The following PKN3 variants were observed in gnomAD, a reference collection of about 807,000 sequenced individuals.
PKN3 encodes the protein serine/threonine-protein kinase N3.
PKN3 carries 91 observed loss-of-function variants against 113.1 expected under a neutral mutation model. The observed-to-expected ratio is 0.80, with a 90% CI of 0.68 to 0.96. PKN3 has a LOEUF of 0.96. Among genes scored for constraint, PKN3 ranks in the 40% least tolerant of loss-of-function variants. The pLI, the probability that PKN3 is intolerant of heterozygous loss-of-function variation, is 0.00. For synonymous variants in PKN3, 467 were observed against 499.0 expected, an observed-to-expected ratio of 0.94 and a Z score of 0.85; for missense variants, 1,052 against 1,202.2, an observed-to-expected ratio of 0.88 and a Z score of 1.85.
intron 12 of PKN3, 37 bp downstream of exon 12, chr9:128,714,701 G>T (rs1862288147): frequency 2.9e-6 from 4 of 1,362,542 alleles, no homozygotes; most frequent in East Asian, 2.3e-5. Flanking sequence ...CCTAGGGCCG[G>T]CTGGGGCTGG....
Position 128,703,382 on chromosome 9 carries a change from C to T in PKN3, c.24+443C>T, listed in dbSNP as rs556732911. 4.6e-5 allele frequency: 45 copies of T among 985,426 alleles called. No individual in the cohort carries two copies. In the South Asian group the frequency reaches 1.9e-3, roughly 42 times the overall value. 61.0% of individuals were successfully genotyped at this position (985,426 alleles called of 1,614,324 possible). On this transcript the variant is annotated intron_variant, in intron 1 of 21. Coordinates refer to ENST00000291906, the MANE Select transcript of PKN3 (RefSeq NM_013355.5). ...GCAGTCTGTGCGCGCTTGGCAGTGG[C>T]AGGAGTCCTTCCCGGAGCACAGGAG...
At chr9:128,716,003 A>T (rs977650331) in intron 15 of PKN3, among the ~76,000 whole-genome samples, 6 of 138,346 alleles carry the variant, frequency 4.3e-5, no homozygotes, top group Non-Finnish European at 7.9e-5. Context: ...AAAACTAATT[A>T]AAAAAAAAAA....
Position 128,720,671 on chromosome 9 carries a change from G to T in PKN3, c.*65G>T. On this transcript the variant is annotated 3_prime_UTR_variant, in exon 22 of 22. Coordinates refer to ENST00000291906, the MANE Select transcript of PKN3 (RefSeq NM_013355.5). The surrounding 1 kb of genome is among the most constrained non-coding windows in gnomAD (Gnocchi z 5.5). ...TGTTAGAGCCTCTGCTCGTTCACCC[G>T]TGCGCCCTGCCTGGAGGTCCAGGCC... 2 of 1,413,342 alleles carry T rather than the reference G, an allele frequency of 1.4e-6. No individual in the cohort carries two copies. The highest frequency in any genetic ancestry group is 2.0e-6 in the Non-Finnish European group (2 of 1,023,226). 87.6% of individuals were successfully genotyped at this position (1,413,342 alleles called of 1,614,324 possible). A position where few individuals can be genotyped will look rare whatever the true frequency, so the allele number is the denominator to read the frequency against.
chr9:128,702,851 G>T lies in PKN3; in HGVS notation c.-65G>T. Reference sequence around the variant, plus strand: ...AGTTTCAAGTTTGAAAGTCCTGGCGGAGGGTCTGCGGCTTCCGGGACCGGA... The same window carrying T: ...AGTTTCAAGTTTGAAAGTCCTGGCGTAGGGTCTGCGGCTTCCGGGACCGGA... On this transcript the variant is annotated 5_prime_UTR_variant, in exon 1 of 22. Transcript: ENST00000291906. The T allele has an allele frequency of 8.3e-7, 1 of 1,201,342 alleles. No individual in the cohort carries two copies. The allele number at this position is 1,201,342 out of a possible 1,614,324, so 74.4% of individuals were successfully genotyped here. A position where few individuals can be genotyped will look rare whatever the true frequency, so the allele number is the denominator to read the frequency against.
intron 15 of PKN3, among the ~76,000 whole-genome samples, chr9:128,716,317 G>C (rs769598100): frequency 4.3e-5 from 6 of 140,266 alleles, no homozygotes; most frequent in South Asian, 2.3e-4. Context: ...AAAAAAAAAG[G>C]CTGGGCGCAC....
intron 6 of PKN3, among the ~76,000 whole-genome samples, chr9:128,707,972 T>C (rs1862068987): frequency 6.8e-6 from 1 of 147,450 alleles, no homozygotes; most frequent in South Asian, 2.1e-4. Context: ...CTCAGGAAGC[T>C]GAGGCAGAGA....
Position 128,720,028 on chromosome 9 carries a change from CG to C in PKN3, c.2376+15del, listed in dbSNP as rs1862482584. On this transcript the variant is annotated intron_variant, in intron 20 of 21. Transcript: ENST00000291906. The surrounding 1 kb of genome is among the most constrained non-coding windows in gnomAD (Gnocchi z 5.5). ...GAGTTCATTCAGAAGGTAAGCACTG[CG>C]GGGTCTGGGGCTGGGCTGGATGGCC... 2 of 1,607,036 alleles carry C rather than the reference CG, an allele frequency of 1.2e-6. No individual in the cohort carries two copies. Among genetic ancestry groups the C allele is most frequent in the Admixed American group, 3.3e-5 (2 of 59,988 alleles).
chr9:128,710,221 C>A (rs1862137766), intron 6 of PKN3, among the ~76,000 whole-genome samples: 2 of 151,838 alleles, frequency 1.3e-5, no homozygotes, highest in African/African-American at 4.8e-5. Flanking sequence ...AGCCACCGCG[C>A]CCGGCCAAAA....
rs1862366885 is a variant in PKN3, at chr9:128,717,127, T to TTTTTTTTTTTTTTTTTC, written c.1985+220_1985+221insCTTTTTTTTTTTTTTTT. Among the ~76,000 whole-genome samples the TTTTTTTTTTTTTTTTTC allele has an allele frequency of 7.3e-5, 7 of 95,456 alleles. 3 individuals carry two copies. Among genetic ancestry groups the TTTTTTTTTTTTTTTTTC allele is most frequent in the Non-Finnish European group, 2.2e-5 (1 of 45,518 alleles). 62.6% of individuals were successfully genotyped at this position (95,456 alleles called of 152,430 possible). On this transcript the variant is annotated intron_variant, in intron 16 of 21. Coordinates refer to ENST00000291906, the MANE Select transcript of PKN3 (RefSeq NM_013355.5). ...CTGTGCATTAGGTTTCTTTTTTTTT[T>TTTTTTTTTTTTTTTTTC]TTTTTTTTTTTTTTTTGTGAGACAG... is the stretch of plus-strand genomic sequence containing the variant.
At chr9:128,709,037 G>C (rs1024562727) in intron 6 of PKN3, among the ~76,000 whole-genome samples, 1 of 152,058 alleles carries the variant, frequency 6.6e-6, no homozygotes, top group Admixed American at 6.6e-5. Flanking sequence ...TGTAATCCCA[G>C]CACTTTGGGA....
chr9:128,711,348 C>T (rs112992471), intron 6 of PKN3, among the ~76,000 whole-genome samples: 1 of 149,856 alleles, frequency 6.7e-6, no homozygotes, highest in African/African-American at 2.5e-5. Flanking sequence ...GCTCTGTCGC[C>T]CAGGCCGGAT....
intron 6 of PKN3, 44 bp downstream of exon 6, chr9:128,707,449 G>A (rs377396117): frequency 6.6e-6 from 10 of 1,510,800 alleles, no homozygotes; most frequent in African/African-American, 4.1e-5. Flanking sequence ...CTTCTTTTTG[G>A]GGGGAGGCCG....
rs1030284152 is a variant in PKN3 at position 128,703,065 on chromosome 9, G to T, written c.24+126G>T. ...TCACCCGCGCCCCTTCCCTGCCCCTGCCCTGGCCCCGGCCCCGCGACGCCC... is the reference window on the plus strand; with the variant it reads ...TCACCCGCGCCCCTTCCCTGCCCCTTCCCTGGCCCCGGCCCCGCGACGCCC... On this transcript the variant is annotated intron_variant, in intron 1 of 21. Transcript: ENST00000291906. 1.6e-4 allele frequency: 110 copies of T among 678,922 alleles called. No homozygotes were observed. In the Middle Eastern group the frequency reaches 2.1e-3, roughly 13 times the overall value. The allele number at this position is 678,922 out of a possible 1,614,324, so 42.1% of individuals were successfully genotyped here.
At chr9:128,714,980 G>T in intron 13 of PKN3, 115 bp downstream of exon 13, 1 of 1,139,960 alleles carries the variant, frequency 8.8e-7, no homozygotes, top group South Asian at 1.3e-5. Context: ...ACTGGCTCTC[G>T]GGGTCTGATT....
intron 1 of PKN3, chr9:128,703,257 G>C (rs892397142): frequency 1.8e-6 from 1 of 566,618 alleles, no homozygotes; most frequent in Non-Finnish European, 2.2e-6. Context: ...CCTTAAGTCG[G>C]TTCTCCTCGG....
Position 128,719,694 on chromosome 9 carries a change from T to G in PKN3, c.2134T>G (p.Phe712Val). The change falls in exon 19 of 22, where the codon TTC (phenylalanine) becomes GTC (valine). Residue 712 changes from phenylalanine to valine, a missense_variant. By Grantham distance (50) the Phe-to-Val change is conservative. Coordinates refer to ENST00000291906, the MANE Select transcript of PKN3 (RefSeq NM_013355.5). ...TGCCTGTTGGTTTGCAGGGATCGGC[T>G]TCGGGGACCGGACTAGCACCTTCTG... is the stretch of plus-strand genomic sequence containing the variant. ...DFGLCKEGIGFGDRTSTFCGT... is the reference protein window; with the variant it reads ...DFGLCKEGIGVGDRTSTFCGT... 6.5e-7 allele frequency: 1 copy of G among 1,550,252 alleles called. No individual in the cohort carries two copies. Among genetic ancestry groups the G allele is most frequent in the East Asian group, 2.3e-5 (1 of 44,368 alleles).
At chr9:128,704,023 C>G in intron 1 of PKN3, 2 of 984,974 alleles carry the variant, frequency 2.0e-6, no homozygotes, top group South Asian at 9.4e-5. Context: ...CCCTTGCCCT[C>G]TGACAGCTGG....
chr9:128,716,709 G>C, intron 15 of PKN3, 38 bp from the exon 16 acceptor site: 1 of 1,586,328 alleles, frequency 6.3e-7, no homozygotes, highest in Non-Finnish European at 8.6e-7. Context: ...CCCAGGGAAA[G>C]TTTTCCTTCC....
chr9:128,717,141 T>TTTTTTTTTTTTTTTTTTTATC (rs1862367811), intron 16 of PKN3, among the ~76,000 whole-genome samples: 1 of 127,440 alleles, frequency 7.8e-6, no homozygotes, highest in African/African-American at 2.9e-5. Context: ...TTTTTTTTTT[T>TTTTTTTTTTTTTTTTTTTATC]TTGTGAGACA....
Sources: allele counts gnomAD v4.1 joint callset (sites outside exome capture counted in the v4.1 genomes callset), GRCh38; gene constraint gnomAD v4.1.1; non-coding constraint Gnocchi (gnomAD v3.1); transcripts MANE v1.5; gene names NCBI Gene and HGNC (gene_info 2026-07-23, HGNC 2026-07-21).